Variants in THRB observed in about 807,000 individuals in gnomAD.
The protein encoded by THRB is nuclear receptor subfamily 1 group A member 2.
A neutral mutation model predicts 47.8 loss-of-function variants in THRB; 12 were observed. The observed-to-expected ratio is 0.25, with a 90% CI of 0.16 to 0.41. The LOEUF (loss-of-function observed/expected upper bound fraction) is 0.41. Ranked by LOEUF, THRB falls within the 10% of genes least tolerant of loss-of-function variation. THRB has a pLI of 1.00. For missense variants in THRB, 348 were observed against 589.2 expected, an observed-to-expected ratio of 0.59 and a Z score of 4.24; for synonymous variants, 218 against 212.2, an observed-to-expected ratio of 1.03 and a Z score of -0.24.
intron 2 of THRB, among the ~76,000 whole-genome samples, chr3:24,312,455 A>C (rs917934002): frequency 1.3e-5 from 2 of 152,182 alleles, no homozygotes; most frequent in African/African-American, 4.8e-5. Context: ...TAATTTAATG[A>C]AGCTGGTGAA....
chr3:24,455,795 G>C (rs1318869743), intron 1 of THRB, among the ~76,000 whole-genome samples: 2 of 151,840 alleles, frequency 1.3e-5, no homozygotes, highest in Non-Finnish European at 1.5e-5. Flanking sequence ...ATGGATTTTT[G>C]CTACTCCATT....
At chr3:24,490,586 A>T (rs1466255055) in intron 1 of THRB, among the ~76,000 whole-genome samples, 1 of 152,196 alleles carries the variant, frequency 6.6e-6, no homozygotes, top group Non-Finnish European at 1.5e-5. Context: ...AATGGAAACA[A>T]ACTGCCCTGC....
chr3:24,285,783 T>G (rs984064701), intron 3 of THRB, among the ~76,000 whole-genome samples: 2 of 152,212 alleles, frequency 1.3e-5, no homozygotes, highest in African/African-American at 4.8e-5. Context: ...AAAGTGATTT[T>G]GCATTACATT....
At chr3:24,326,451 G>A (rs1016622144) in intron 2 of THRB, among the ~76,000 whole-genome samples, 2 of 152,036 alleles carry the variant, frequency 1.3e-5, no homozygotes, top group Non-Finnish European at 2.9e-5. Flanking sequence ...GGCCAGGCTG[G>A]TCTTGAACTC....
intron 1 of THRB, among the ~76,000 whole-genome samples, chr3:24,416,399 A>C (rs2068735602): frequency 6.6e-6 from 1 of 151,832 alleles, no homozygotes; most frequent in Admixed American, 6.6e-5. Context: ...TGACTCCTAA[A>C]CTTCACTGGG....
At chr3:24,128,857 A>G (rs962597748) in intron 9 of THRB, among the ~76,000 whole-genome samples, 3 of 91,626 alleles carry the variant, frequency 3.3e-5, no homozygotes, top group Non-Finnish European at 2.5e-5. Flanking sequence ...AGAAGGAAAC[A>G]TAACTCTTTT....
chr3:24,363,603 A>G (rs970097607), intron 1 of THRB, among the ~76,000 whole-genome samples: 1 of 152,176 alleles, frequency 6.6e-6, no homozygotes, highest in Non-Finnish European at 1.5e-5. Flanking sequence ...ATCAAAAAAA[A>G]TTTTTCAAAC....
At chr3:24,155,630 TTTC>T (rs1165115377) in intron 5 of THRB, among the ~76,000 whole-genome samples, 2 of 152,256 alleles carry the variant, frequency 1.3e-5, no homozygotes, top group African/African-American at 4.8e-5. Flanking sequence ...TGCTGTTGTA[TTTC>T]CTGTTGTATT....
At chr3:24,445,684 T>C (rs1041034346) in intron 1 of THRB, among the ~76,000 whole-genome samples, 2 of 152,158 alleles carry the variant, frequency 1.3e-5, no homozygotes, top group African/African-American at 4.8e-5. Context: ...GGTGTGTAAA[T>C]TAATATCTTT....
chr3:24,207,851 T>C (rs148844922), intron 4 of THRB, among the ~76,000 whole-genome samples: 4,191 of 152,246 alleles, frequency 0.028, 170 homozygotes, highest in African/African-American at 0.095. Flanking sequence ...GCCAGGGCAA[T>C]CAGGCAGGAG....
At chr3:24,311,725 T>G (rs1261314594) in intron 2 of THRB, among the ~76,000 whole-genome samples, 1 of 152,198 alleles carries the variant, frequency 6.6e-6, no homozygotes, top group African/African-American at 2.4e-5. Flanking sequence ...TCTTCATCCT[T>G]GCTCTTTCAA....
In THRB at chr3:24,294,521, AAG is replaced by A. The variant is rs2056274542; in HGVS notation, c.-43+2703_-43+2704del. Among the ~76,000 whole-genome samples the A allele has an allele frequency of 2.0e-5, 3 of 152,192 alleles. No individual in the cohort carries two copies. The South Asian group carries it at 6.2e-4, about 32-fold the overall frequency. On this transcript the variant is annotated intron_variant, in intron 3 of 10. Coordinates refer to ENST00000646209, the MANE Select transcript of THRB (RefSeq NM_001354712.2). The stretch of plus-strand genomic sequence containing the variant: ...GAGGTAGTATGAGGAGGGTTTCTGG[AAG>A]AGATATTTTCCTTCCTGTAATGAAG...
At chr3:24,316,654 G>C (rs9810037) in intron 2 of THRB, among the ~76,000 whole-genome samples, 28,246 of 151,858 alleles carry the variant, frequency 0.19, 3,916 homozygotes, top group African/African-American at 0.39. Flanking sequence ...GGTTTATCAA[G>C]TCTCTCCTCT....
At chr3:24,214,232 T>A (rs1298767241) in intron 4 of THRB, among the ~76,000 whole-genome samples, 3 of 152,154 alleles carry the variant, frequency 2.0e-5, no homozygotes, top group Non-Finnish European at 4.4e-5. Flanking sequence ...GCAGCTGTGG[T>A]TTAGGGCATA....
At chr3:24,489,742 C>T (rs1377434793) in intron 1 of THRB, among the ~76,000 whole-genome samples, 2 of 152,170 alleles carry the variant, frequency 1.3e-5, no homozygotes, top group South Asian at 4.1e-4. Context: ...GCATAGATCA[C>T]TATTCTAGCT....
chr3:24,161,617 AACACACACACACACAC>A (rs58600238), intron 5 of THRB, among the ~76,000 whole-genome samples: 9 of 141,190 alleles, frequency 6.4e-5, no homozygotes, highest in African/African-American at 2.1e-4. Context: ...AGAGCTACAG[AACACACACACACACAC>A]ACACACACAC....
At chr3:24,256,738 G>C (rs920750679) in intron 3 of THRB, among the ~76,000 whole-genome samples, 3 of 152,010 alleles carry the variant, frequency 2.0e-5, no homozygotes, top group African/African-American at 4.8e-5. Flanking sequence ...GAGTTACAGA[G>C]AGATAGGTTT....
intron 2 of THRB, among the ~76,000 whole-genome samples, chr3:24,306,202 C>T (rs2057326564): frequency 6.6e-6 from 1 of 152,146 alleles, no homozygotes; most frequent in South Asian, 2.1e-4. Context: ...ATACTGGTTA[C>T]CTGCAATTCT....
At chr3:24,488,950 G>A (rs1318003208) in intron 1 of THRB, among the ~76,000 whole-genome samples, 4 of 152,092 alleles carry the variant, frequency 2.6e-5, no homozygotes, top group African/African-American at 4.8e-5. Flanking sequence ...GATGGATGTT[G>A]GTCAATCAAT....
Sources: allele counts gnomAD v4.1 joint callset (sites outside exome capture counted in the v4.1 genomes callset), GRCh38; gene constraint gnomAD v4.1.1; transcripts MANE v1.5; gene names NCBI Gene and HGNC (gene_info 2026-07-23, HGNC 2026-07-21).